Variants in QARS1 observed in about 807,000 individuals in gnomAD.
QARS1 encodes glutamine--tRNA ligase.
In QARS1, 79 loss-of-function variants were observed where a neutral mutation model predicts 106.9. That is an observed-to-expected ratio of 0.74 (90% CI 0.62 to 0.89). The LOEUF is 0.89. QARS1 is among the 40% of genes least tolerant of loss of function. QARS1 has a pLI of 0.00. For synonymous variants in QARS1, 395 were observed against 367.7 expected, an observed-to-expected ratio of 1.07 and a Z score of -0.85; for missense variants, 966 against 997.2, an observed-to-expected ratio of 0.97 and a Z score of 0.42.
Position 49,100,187 on chromosome 3 carries a change from C to T in QARS1, c.1164+3G>A. ...AAACCCAGATGCTCCTCTAGGACCC[C>T]ACCTCAAAGAGCAGCAGTGACTCCT... On this transcript the variant is annotated splice_donor_region_variant and intron_variant, in intron 13 of 23. Transcript: ENST00000306125. The T allele has an allele frequency of 3.7e-6, 6 of 1,614,238 alleles. No homozygotes were observed. Among genetic ancestry groups the T allele is most frequent in the Non-Finnish European group, 4.2e-6 (5 of 1,180,038 alleles).
Position 49,095,992 on chromosome 3 carries a change from C to G in QARS1, c.*37G>C. The G allele has an allele frequency of 1.2e-6, 2 of 1,605,790 alleles. No homozygotes were observed. Among genetic ancestry groups the G allele is most frequent in the Non-Finnish European group, 1.7e-6 (2 of 1,174,068 alleles). On this transcript the variant is annotated 3_prime_UTR_variant, in exon 24 of 24. Coordinates refer to ENST00000306125, the MANE Select transcript of QARS1 (RefSeq NM_005051.3). The stretch of plus-strand genomic sequence containing the variant: ...ATTTGGGGTGGCGAGGGTAGCCACA[C>G]CCTCCAGGAGGATGAGGTAGGTTCA...
chr3:49,098,263 A>G lies in QARS1; in HGVS notation c.2085-5T>C. 1 of 1,614,210 alleles carries G rather than the reference A, an allele frequency of 6.2e-7. No individual in the cohort carries two copies. The highest frequency in any genetic ancestry group is 8.5e-7 in the Non-Finnish European group (1 of 1,180,036). On this transcript the variant is annotated splice_region_variant and splice_polypyrimidine_tract_variant and intron_variant, in intron 21 of 23. Transcript: ENST00000306125. ...TCAGGGTTCTTGTGCTGGAATCTGC[A>G]GCCAAAGTGAAGGTCATACCCCCAG... is the stretch of plus-strand genomic sequence containing the variant.
At chr3:49,098,332 A>AC in intron 21 of QARS1, 21 bp downstream of exon 21, 1 of 1,614,104 alleles carries the variant, frequency 6.2e-7, no homozygotes, top group East Asian at 2.2e-5. Flanking sequence ...ACCTGCCCCC[A>AC]CCCCAGCTCT....
rs1331968048 is a variant in QARS1 at position 49,101,364 on chromosome 3, G to A, written c.867C>T (p.Gly289=). ...GHAKAINFNF[G]YAKANNGICF... is the part of the protein sequence containing the mutation. ...CTAGACACATGCTTACCTTGGCATA[G>A]CCAAAGTTGAAATTGATGGCTTTGG... Residue 289 remains glycine (G), a synonymous_variant, in exon 10 of 24, where the codon GGC becomes GGT. Transcript: ENST00000306125. 2 of 1,613,056 alleles carry A rather than the reference G, an allele frequency of 1.2e-6. No individual in the cohort carries two copies. Among genetic ancestry groups the A allele is most frequent in the Non-Finnish European group, 1.7e-6 (2 of 1,179,146 alleles).
At chr3:49,100,724 C>A (rs550434363) in intron 10 of QARS1, 50 bp from the exon 11 acceptor site, 1 of 1,400,442 alleles carries the variant, frequency 7.1e-7, no homozygotes, top group South Asian at 1.2e-5. Flanking sequence ...ATCAGCCCCA[C>A]AATCCTGTTT....
intron 21 of QARS1, 40 bp downstream of exon 21, chr3:49,098,313 G>C (rs201648871): frequency 6.2e-7 from 1 of 1,614,212 alleles, no homozygotes; most frequent in Non-Finnish European, 8.5e-7. Context: ...CAGGCAATGT[G>C]CATCTTGTAC....
At chr3:49,102,060 CA>C in intron 7 of QARS1, 144 bp downstream of exon 7, 1 of 1,333,104 alleles carries the variant, frequency 7.5e-7, no homozygotes, top group South Asian at 1.3e-5. Context: ...GCAAAGGGAA[CA>C]AAAGAAACAC....
chr3:49,103,072 C>G (rs2042492331), intron 5 of QARS1, among the ~76,000 whole-genome samples: 1 of 152,138 alleles, frequency 6.6e-6, no homozygotes, highest in African/African-American at 2.4e-5. Flanking sequence ...ATCTTCCCAC[C>G]ACAGCCCCAC....
At chr3:49,099,464 G>C (rs774816722) in intron 16 of QARS1, 33 bp from the exon 17 acceptor site, 10 of 1,614,130 alleles carry the variant, frequency 6.2e-6, no homozygotes, top group Non-Finnish European at 8.5e-6. Flanking sequence ...AAGGCCTTTG[G>C]GAGCATATGC....
In QARS1 at chr3:49,103,661, G is replaced by C; in HGVS notation, c.421C>G (p.Arg141Gly). Residue 141 changes from arginine to glycine, a missense_variant, in exon 4 of 24, where the codon CGT becomes GGT. By Grantham distance (125) the Arg-to-Gly change is moderately radical. Transcript: ENST00000306125. ...NRHRPQLLVE[R>G]YHFNMGLLMG... ...AGCAGCCCCATGTTGAAATGGTAAC[G>C]TTCCACCAGGAGCTGGGGCCGGTGC... 1 of 1,613,832 alleles carries C rather than the reference G, an allele frequency of 6.2e-7. No homozygotes were observed. Among genetic ancestry groups the C allele is most frequent in the Non-Finnish European group, 8.5e-7 (1 of 1,179,906 alleles).
rs369841575 is a variant in QARS1, at chr3:49,103,412, A to T, written c.452-3T>A. On this transcript the variant is annotated splice_polypyrimidine_tract_variant and splice_region_variant and intron_variant, in intron 4 of 23. Coordinates refer to ENST00000306125, the MANE Select transcript of QARS1 (RefSeq NM_005051.3). Reference sequence around the variant, plus strand: ...CTTCAGCACAGCCCGAGCCTCTCCTAGAAGCATAGGCACAAGGAGCTGCAG... The same window carrying T: ...CTTCAGCACAGCCCGAGCCTCTCCTTGAAGCATAGGCACAAGGAGCTGCAG... 1 of 1,614,004 alleles carries T rather than the reference A, an allele frequency of 6.2e-7. No homozygotes were observed. The highest frequency in any genetic ancestry group is 8.5e-7 in the Non-Finnish European group (1 of 1,180,030).
chr3:49,103,829 T>G (rs1395083718), intron 3 of QARS1, 34 bp downstream of exon 3: 4 of 1,607,628 alleles, frequency 2.5e-6, no homozygotes, highest in Non-Finnish European at 3.4e-6. Flanking sequence ...TGGCCAGGAC[T>G]GGGGAGGCAG....
chr3:49,102,732 C>A (rs925596135), intron 5 of QARS1: 2 of 550,122 alleles, frequency 3.6e-6, no homozygotes, highest in Non-Finnish European at 6.9e-6. Flanking sequence ...ACCTCCGCCT[C>A]CTGGATTCAA....
At position 49,099,168 on chromosome 3, in the gene QARS1, C is replaced by G. The variant is rs1468382416; in HGVS notation, c.1700G>C (p.Arg567Pro). The change falls in exon 18 of 24, where the codon CGA (arginine) becomes CCA (proline). Residue 567 changes from arginine (R) to proline (P), a missense_variant. Physicochemically the swap from Arg to Pro is moderately radical, Grantham distance 103. Coordinates refer to ENST00000306125, the MANE Select transcript of QARS1 (RefSeq NM_005051.3). The stretch of plus-strand genomic sequence containing the variant: ...TAGTGACTCCAGCACAGCCATGGCT[C>G]GTGGGGCTGTGTCATTCAGCACATC... The part of the protein sequence containing the change: ...VRDVLNDTAP[R>P]AMAVLESLRV... 1 of 1,614,142 alleles carries G rather than the reference C, an allele frequency of 6.2e-7. No individual in the cohort carries two copies. The highest frequency in any genetic ancestry group is 8.5e-7 in the Non-Finnish European group (1 of 1,180,016).
chr3:49,104,200 C>A, intron 2 of QARS1, 124 bp downstream of exon 2: 2 of 1,418,218 alleles, frequency 1.4e-6, no homozygotes, highest in South Asian at 1.2e-5. Flanking sequence ...CCCTTCCATG[C>A]CTCAGTGCCT....
rs374208427 is a variant in QARS1 at position 49,098,075 on chromosome 3, C to T, written c.2194G>A (p.Val732Met). The T allele has an allele frequency of 1.9e-6, 3 of 1,614,088 alleles. No individual in the cohort carries two copies. In the African/African-American group the frequency reaches 4.0e-5, roughly 22 times the overall value. ...VVDAALVDCS[V>M]ALAKPFDKFQ... Reference sequence around the variant, plus strand: ...TTGTCGAAGGGTTTTGCCAGGGCCACAGAGCAGTCCACTAATGCTGCATCC... The same window carrying T: ...TTGTCGAAGGGTTTTGCCAGGGCCATAGAGCAGTCCACTAATGCTGCATCC... The change falls in exon 23 of 24, where the codon GTG becomes ATG. Residue 732 changes from valine (V) to methionine (M), a missense_variant. Physicochemically the swap from Val to Met is conservative, Grantham distance 21. Coordinates refer to ENST00000306125, the MANE Select transcript of QARS1 (RefSeq NM_005051.3).
chr3:49,099,398 C>A lies in QARS1; in HGVS notation c.1560G>T (p.Thr520=), dbSNP rs1216381228. 2 of 1,614,150 alleles carry A rather than the reference C, an allele frequency of 1.2e-6. No individual in the cohort carries two copies. Among genetic ancestry groups the A allele is most frequent in the South Asian group, 2.2e-5 (2 of 91,082 alleles). The stretch of plus-strand genomic sequence containing the variant: ...GTGGGAAGCCCCGCCGTCGCAGGGC[C>A]GTGAGTGTAAAGAGCCGTGGGTCAT... ...DWDDPRLFTL[T]ALRRRGFPPE... Residue 520 remains threonine, a synonymous_variant, in exon 17 of 24, where the codon ACG becomes ACT. Transcript: ENST00000306125.
chr3:49,101,840 ACTTAAGGGCCTCC>A lies in QARS1; in HGVS notation c.678_690del (p.Glu227SerfsTer20). ...CATGCCCACTAACCAGGCTTGTGGA[ACTTAAGGGCCTCC>A]CCCCGGAGCTGCTCCATCAGAGACA... is the stretch of plus-strand genomic sequence containing the variant. On this transcript the variant is annotated frameshift_variant, in exon 8 of 24. Transcript: ENST00000306125. LOFTEE classifies it high-confidence loss of function. 6.2e-7 allele frequency: 1 copy of A among 1,612,534 alleles called. No homozygotes were observed. The highest frequency in any genetic ancestry group is 8.5e-7 in the Non-Finnish European group (1 of 1,179,180).
At chr3:49,104,129 G>T in intron 2 of QARS1, 157 bp from the exon 3 acceptor site, 1 of 1,122,568 alleles carries the variant, frequency 8.9e-7, no homozygotes. Context: ...AGAAGCACGT[G>T]TCGAGAGTGG....
Sources: gnomAD v4.1 joint callset for allele counts (sites outside exome capture counted in the v4.1 genomes callset) on GRCh38, gnomAD v4.1.1 for gene constraint, MANE v1.5 for transcripts, NCBI Gene and HGNC (gene_info 2026-07-23, HGNC 2026-07-21) for gene names.